ZNF334: variants seen among roughly 807,000 people sequenced by gnomAD.
ZNF334 encodes zinc finger protein 334.
In ZNF334, 14 loss-of-function variants were observed where a neutral mutation model predicts 12.4. That is an observed-to-expected ratio of 1.13 (90% CI 0.74 to 1.76). The LOEUF (loss-of-function observed/expected upper bound fraction) is 1.76, where lower values mean the gene tolerates loss of function less well. ZNF334 is among the 40% of genes most tolerant of loss of function. ZNF334 has a pLI of 0.00. For synonymous variants in ZNF334, 273 were observed against 269.6 expected (o/e 1.01, Z -0.12); for missense variants, 797 against 804.5 (o/e 0.99, Z 0.11).
At chr20:46,487,120 C>T in the ZNF334 span, among the ~76,000 whole-genome samples, 1 of 152,140 alleles carries the variant, frequency 6.6e-6, no homozygotes, top group Non-Finnish European at 1.5e-5. Context: ...TTTTTTATCA[C>T]ATCCATAGCA....
At chr20:46,497,238 G>A (rs1053503633), downstream of ZNF334, among the ~76,000 whole-genome samples, 2 of 152,166 alleles carry the variant, frequency 1.3e-5, no homozygotes, top group African/African-American at 2.4e-5. Context: ...CATGAGGAGT[G>A]GGGTAGACAG....
At chr20:46,463,370 G>A in the ZNF334 span, among the ~76,000 whole-genome samples, 4 of 152,218 alleles carry the variant, frequency 2.6e-5, no homozygotes, top group African/African-American at 9.7e-5. Flanking sequence ...AAACCACAGA[G>A]CAAGTTGGAC....
chr20:46,504,844 A>G, intron 2 of ZNF334, 104 bp from the exon 3 acceptor site: 1 of 1,019,320 alleles, frequency 9.8e-7, no homozygotes, highest in Non-Finnish European at 1.4e-6. Flanking sequence ...GGAAAGCTAT[A>G]GAGAGATGTA....
the ZNF334 span, among the ~76,000 whole-genome samples, chr20:46,484,037 T>C: frequency 3.9e-5 from 6 of 152,178 alleles, no homozygotes; most frequent in Non-Finnish European, 5.9e-5. Flanking sequence ...CAAAACCCAG[T>C]AGGTTCAAGA....
chr20:46,501,203 A>G lies in ZNF334; in HGVS notation c.*93T>C. On this transcript the variant is annotated 3_prime_UTR_variant, in exon 5 of 5. Coordinates refer to ENST00000692313, the MANE Select transcript of ZNF334 (RefSeq NM_001353824.2). ...AAAATTTTCCATATTCATTACATTT[A>G]TAAGATTTTACTCCTCTATACATAC... 6 of 1,475,566 alleles carry G rather than the reference A, an allele frequency of 4.1e-6. No individual in the cohort carries two copies. Among genetic ancestry groups the G allele is most frequent in the Non-Finnish European group, 5.4e-6 (6 of 1,106,870 alleles). 91.4% of individuals were successfully genotyped at this position (1,475,566 alleles called of 1,614,324 possible). A position where few individuals can be genotyped will look rare whatever the true frequency, so the allele number is the denominator to read the frequency against.
At chr20:46,471,536 C>T in the ZNF334 span, among the ~76,000 whole-genome samples, 1 of 152,154 alleles carries the variant, frequency 6.6e-6, no homozygotes. Flanking sequence ...TTTCCTACTT[C>T]AAATTCATGA....
downstream of ZNF334, among the ~76,000 whole-genome samples, chr20:46,496,556 T>C (rs2061029054): frequency 1.3e-5 from 2 of 152,230 alleles, no homozygotes; most frequent in Admixed American, 1.3e-4. Flanking sequence ...TTGGCTTAGC[T>C]GATTCTATGT....
chr20:46,470,428 A>C, the ZNF334 span, among the ~76,000 whole-genome samples: 8 of 152,156 alleles, frequency 5.3e-5, no homozygotes, highest in African/African-American at 1.7e-4. Flanking sequence ...AACTACCCTG[A>C]GATGTGAGGC....
intron 3 of ZNF334, 93 bp from the exon 4 acceptor site, chr20:46,504,399 TGAA>T (rs770178334): frequency 5.3e-5 from 67 of 1,261,516 alleles, no homozygotes; most frequent in Admixed American, 1.0e-4. Context: ...AGCTGTGCAA[TGAA>T]GATGCCCAGC....
At chr20:46,488,436 T>TATATATAA in the ZNF334 span, among the ~76,000 whole-genome samples, 1 of 137,592 alleles carries the variant, frequency 7.3e-6, no homozygotes, top group Non-Finnish European at 1.5e-5. Context: ...TATATATATA[T>TATATATAA]ATATATAAAT....
chr20:46,465,426 G>A, the ZNF334 span, among the ~76,000 whole-genome samples: 47 of 152,266 alleles, frequency 3.1e-4, no homozygotes, highest in Admixed American at 5.2e-4. Flanking sequence ...CAGCCAGCAC[G>A]GTGGCTCAGG....
At chr20:46,474,243 T>C in the ZNF334 span, among the ~76,000 whole-genome samples, 1 of 151,940 alleles carries the variant, frequency 6.6e-6, no homozygotes, top group Non-Finnish European at 1.5e-5. Context: ...TGTGGTGGCA[T>C]GTGCCTGTAA....
chr20:46,503,129 G>A (rs1601028374), intron 4 of ZNF334, 32 bp from the exon 5 acceptor site: 2 of 1,553,508 alleles, frequency 1.3e-6, no homozygotes, highest in Non-Finnish European at 8.7e-7. Flanking sequence ...ACGGTAATTG[G>A]TGAGCCTTTA....
At chr20:46,491,222 A>C in the ZNF334 span, 1 of 152,700 alleles carries the variant, frequency 6.5e-6, no homozygotes, top group Non-Finnish European at 1.5e-5. Flanking sequence ...AAAGGCCTTT[A>C]GGTTTCTCTC....
chr20:46,487,946 G>A, the ZNF334 span, among the ~76,000 whole-genome samples: 1 of 152,178 alleles, frequency 6.6e-6, no homozygotes, highest in Non-Finnish European at 1.5e-5. Context: ...ATGTCTGGGT[G>A]ATCTTTTTGG....
downstream of ZNF334, among the ~76,000 whole-genome samples, chr20:46,498,914 C>T (rs2061069114): frequency 6.6e-6 from 1 of 152,012 alleles, no homozygotes; most frequent in Admixed American, 6.5e-5. Flanking sequence ...GTGGCTCACG[C>T]CTGTAATCCC....
the ZNF334 span, chr20:46,464,557 T>G: frequency 9.3e-6 from 4 of 428,374 alleles, no homozygotes; most frequent in African/African-American, 8.2e-5. Context: ...GACAAGATTT[T>G]TATATGCTGT....
chr20:46,502,553 C>A lies in ZNF334; in HGVS notation c.786G>T (p.Glu262Asp). 6.2e-7 allele frequency: 1 copy of A among 1,613,772 alleles called. No homozygotes were observed. Among genetic ancestry groups the A allele is most frequent in the African/African-American group, 1.3e-5 (1 of 75,026 alleles). The change falls in exon 5 of 5, where the codon GAG (glutamate) becomes GAT (aspartate). Residue 262 changes from glutamate to aspartate, a missense_variant. By Grantham distance (45) the Glu-to-Asp change is conservative. Transcript: ENST00000692313. ...TACAATCACTACAAACATACGGTTT[C>A]TCCCCTGTATGAATTCTCTGATGTA... ...LIVHQRIHTG[E>D]KPYVCSDCRK... is the part of the protein sequence containing the mutation.
downstream of ZNF334, among the ~76,000 whole-genome samples, chr20:46,496,344 G>T (rs1024885861): frequency 6.6e-6 from 1 of 152,164 alleles, no homozygotes; most frequent in Admixed American, 6.5e-5. Context: ...TCATTTTGAG[G>T]ATCTGTTTCC....
Sources: gnomAD v4.1 joint callset for allele counts (sites outside exome capture counted in the v4.1 genomes callset) on GRCh38, gnomAD v4.1.1 for gene constraint, MANE v1.5 for transcripts, NCBI Gene and HGNC (gene_info 2026-07-23, HGNC 2026-07-21) for gene names.